The following GFI1 variants were observed in gnomAD, a reference collection of about 807,000 sequenced individuals.
GFI1 encodes the protein zinc finger protein Gfi-1.
A neutral mutation model predicts 39.2 loss-of-function variants in GFI1; 15 were observed. The observed-to-expected ratio is 0.38, with a 90% CI of 0.26 to 0.59. GFI1 has a LOEUF of 0.59. GFI1 is among the 20% of genes least tolerant of loss of function. The pLI, the probability that GFI1 is intolerant of heterozygous loss-of-function variation, is 0.62. For synonymous variants in GFI1, 239 were observed against 254.3 expected, an observed-to-expected ratio of 0.94 and a Z score of 0.57; for missense variants, 475 against 574.0, an observed-to-expected ratio of 0.83 and a Z score of 1.76.
In GFI1 at chr1:92,481,107, A is replaced by G. The variant is rs867973488; in HGVS notation, c.299-19T>C. 6.2e-6 allele frequency: 10 copies of G among 1,602,040 alleles called. No individual in the cohort carries two copies. The Middle Eastern group carries it at 1.7e-3, about 266-fold the overall frequency. On this transcript the variant is annotated intron_variant, in intron 3 of 6. Coordinates refer to ENST00000294702, the MANE Select transcript of GFI1 (RefSeq NM_005263.5). This position sits in a 1 kb window ranked among gnomAD's most constrained non-coding sequence, Gnocchi z 4.3. The stretch of plus-strand genomic sequence containing the variant: ...TCCGAGGCTGTGGAGGCACAAGGGG[A>G]GCGTCCGGTCAGGCTTCAGACGGCA...
At chr1:92,483,076 G>C (rs1557672107) in intron 2 of GFI1, 30 bp from the exon 3 acceptor site, 1 of 1,547,530 alleles carries the variant, frequency 6.5e-7, no homozygotes, top group East Asian at 2.3e-5. Flanking sequence ...GAGGGGCTCA[G>C]GCTGGGACCG....
intron 1 of GFI1, among the ~76,000 whole-genome samples, chr1:92,485,530 T>G (rs2101588238): frequency 6.6e-6 from 1 of 151,866 alleles, no homozygotes; most frequent in South Asian, 2.1e-4. Context: ...CGGCCCGCTT[T>G]GCTGGTTCCT....
rs745794943 is a variant in GFI1 at position 92,481,054 on chromosome 1, T to C, written c.333A>G (p.Glu111=). 3.7e-6 allele frequency: 6 copies of C among 1,611,754 alleles called. No homozygotes were observed. In the Admixed American group the frequency reaches 6.7e-5, roughly 18 times the overall value. Residue 111 remains glutamate (E), a synonymous_variant, in exon 4 of 7, where the codon GAA becomes GAG. Transcript: ENST00000294702. The surrounding 1 kb of genome is among the most constrained non-coding windows in gnomAD (Gnocchi z 4.3). ...SEKSMCPSLD[E]AQPFPLPFKP... ...TGAAAGGCAGGGGGAAGGGCTGGGC[T>C]TCGTCCAGCGATGGGCACATTGACT...
intron 1 of GFI1, among the ~76,000 whole-genome samples, chr1:92,486,514 CG>C (rs1272697054): frequency 3.2e-4 from 29 of 90,160 alleles, no homozygotes; most frequent in African/African-American, 1.3e-3. Flanking sequence ...CCTCAGGCCT[CG>C]GTCACCCGCC....
In GFI1 at chr1:92,476,108, C is replaced by A. The variant is rs1657956373; in HGVS notation, c.1190G>T (p.Gly397Val). ...SRKHTGFKPF[G>V]CDLCGKGFQR... ...GAAACCCTTCCCACAGAGGTCGCAG[C>A]CGAAGGGCTTGAAGCCTGTGTGTTT... is the stretch of plus-strand genomic sequence containing the variant. The change falls in exon 7 of 7, where the codon GGC (glycine) becomes GTC (valine). Residue 397 changes from glycine (G) to valine (V), a missense_variant. Physicochemically the swap from Gly to Val is moderately radical, Grantham distance 109 (BLOSUM62 -3). Coordinates refer to ENST00000294702, the MANE Select transcript of GFI1 (RefSeq NM_005263.5). 1.1e-5 allele frequency: 17 copies of A among 1,614,064 alleles called. No individual in the cohort carries two copies. The highest frequency in any genetic ancestry group is 1.3e-5 in the Non-Finnish European group (15 of 1,180,004).
At position 92,474,922 on chromosome 1, in the gene GFI1, A is replaced by C. The variant is rs1021820860; in HGVS notation, c.*1107T>G. ...TACACATGGAGGGTCAAAGAGTTGA[A>C]GACAGAGCCTTCCTTCCCACATGCC... On this transcript the variant is annotated 3_prime_UTR_variant, in exon 7 of 7. Coordinates refer to ENST00000294702, the MANE Select transcript of GFI1 (RefSeq NM_005263.5). The C allele has an allele frequency of 1.4e-4, 21 of 152,424 alleles. No individual in the cohort carries two copies. Among genetic ancestry groups the C allele is most frequent in the Non-Finnish European group, 2.8e-4 (19 of 68,040 alleles). The allele number at this position is 152,424 out of a possible 1,614,324, so 9.4% of individuals were successfully genotyped here. A position where few individuals can be genotyped will look rare whatever the true frequency, so the allele number is the denominator to read the frequency against.
At position 92,480,580 on chromosome 1, in the gene GFI1, T is replaced by C; in HGVS notation, c.786+21A>G. 1 of 1,540,492 alleles carries C rather than the reference T, an allele frequency of 6.5e-7. No individual in the cohort carries two copies. Among genetic ancestry groups the C allele is most frequent in the Admixed American group, 2.0e-5 (1 of 51,130 alleles). Reference sequence around the variant, plus strand: ...GGAAGCGGGCGCACGGCAGGCGAGGTGGTGAGCTCGGGAGCCTCACCTTGC... The same window carrying C: ...GGAAGCGGGCGCACGGCAGGCGAGGCGGTGAGCTCGGGAGCCTCACCTTGC... On this transcript the variant is annotated intron_variant, in intron 4 of 6. Coordinates refer to ENST00000294702, the MANE Select transcript of GFI1 (RefSeq NM_005263.5). The surrounding 1 kb of genome is among the most constrained non-coding windows in gnomAD (Gnocchi z 5.6).
At position 92,483,236 on chromosome 1, in the gene GFI1, G is replaced by A. The variant is rs967734500; in HGVS notation, c.115+137C>T. 29 of 727,942 alleles carry A rather than the reference G, an allele frequency of 4.0e-5. No homozygotes were observed. In the African/African-American group the frequency reaches 4.7e-4, roughly 12 times the overall value. The allele number at this position is 727,942 out of a possible 1,614,324, so 45.1% of individuals were successfully genotyped here. ...TGGCACCTAGGAGACAAACCCGGAG[G>A]AACCAGGACAGTAGGAAACAAAAAC... On this transcript the variant is annotated intron_variant, in intron 2 of 6. Coordinates refer to ENST00000294702, the MANE Select transcript of GFI1 (RefSeq NM_005263.5).
intron 1 of GFI1, 58 bp downstream of exon 1, chr1:92,486,668 G>T (rs1658542037): frequency 6.6e-6 from 1 of 152,034 alleles, no homozygotes; most frequent in Non-Finnish European, 1.5e-5. Flanking sequence ...CGCAGGCCCC[G>T]AAATAGCTTG....
chr1:92,479,892 G>A (rs1658140238), intron 5 of GFI1, among the ~76,000 whole-genome samples: 1 of 151,916 alleles, frequency 6.6e-6, no homozygotes, highest in Non-Finnish European at 1.5e-5. Flanking sequence ...AGGAAGGAAG[G>A]AAAGAATGAA....
chr1:92,481,223 GC>G lies in GFI1; in HGVS notation c.299-136del. ...TTGTAGAACACTGCGTGCGCCAGGT[GC>G]CAGGCTCGCCCCAGGGTAAAACGTG... On this transcript the variant is annotated intron_variant, in intron 3 of 6. Transcript: ENST00000294702. The surrounding 1 kb of genome is among the most constrained non-coding windows in gnomAD (Gnocchi z 4.3). 1.2e-6 allele frequency: 1 copy of G among 803,178 alleles called. No homozygotes were observed. The highest frequency in any genetic ancestry group is 2.1e-6 in the Non-Finnish European group (1 of 484,588). 49.8% of individuals were successfully genotyped at this position (803,178 alleles called of 1,614,324 possible).
At chr1:92,483,644 C>T (rs1043973649) in intron 1 of GFI1, 58 bp from the exon 2 acceptor site, 5 of 681,916 alleles carry the variant, frequency 7.3e-6, no homozygotes, top group Non-Finnish European at 1.1e-5. Flanking sequence ...GTGCGGCGGA[C>T]TGGGCACCCA....
chr1:92,478,616 G>A lies in GFI1; in HGVS notation c.1062C>T (p.Asp354=), dbSNP rs1020047718. ...TGTGGATGAAAGTGTGTTTCTTCAT[G>A]TCTGACTTCTGGTGGAACCTCTTGC... is the stretch of plus-strand genomic sequence containing the variant. ...YCGKRFHQKS[D]MKKHTFIHTG... The change falls in exon 6 of 7, where the codon GAC becomes GAT. Residue 354 remains aspartate (D), a synonymous_variant. Coordinates refer to ENST00000294702, the MANE Select transcript of GFI1 (RefSeq NM_005263.5). The A allele has an allele frequency of 9.3e-6, 15 of 1,614,090 alleles. No homozygotes were observed. Among genetic ancestry groups the A allele is most frequent in the Non-Finnish European group, 1.3e-5 (15 of 1,179,994 alleles).
At chr1:92,479,489 GTGTTA>G (rs1396670146) in intron 5 of GFI1, among the ~76,000 whole-genome samples, 1 of 152,216 alleles carries the variant, frequency 6.6e-6, no homozygotes, top group Non-Finnish European at 1.5e-5. Context: ...AGGACCTGAT[GTGTTA>G]TAAGATTCTT....
intron 1 of GFI1, among the ~76,000 whole-genome samples, chr1:92,485,816 A>G (rs1387829057): frequency 6.6e-6 from 1 of 152,032 alleles, no homozygotes. Flanking sequence ...GCGCGCCCCC[A>G]GCTCCAGATT....
Position 92,481,188 on chromosome 1 carries a change from C to T in GFI1, c.299-100G>A, listed in dbSNP as rs530510465. 3 of 1,057,450 alleles carry T rather than the reference C, an allele frequency of 2.8e-6. No individual in the cohort carries two copies. The highest frequency in any genetic ancestry group is 3.1e-5 in the African/African-American group (2 of 63,538). The allele number at this position is 1,057,450 out of a possible 1,614,324, so 65.5% of individuals were successfully genotyped here. On this transcript the variant is annotated intron_variant, in intron 3 of 6. Transcript: ENST00000294702. The surrounding 1 kb of genome is among the most constrained non-coding windows in gnomAD (Gnocchi z 4.3). ...CGTGGCGTGTTCGCGGACTGCGGGG[C>T]ACCCAGCGCTTGTAGAACACTGCGT... is the stretch of plus-strand genomic sequence containing the variant.
intron 1 of GFI1, among the ~76,000 whole-genome samples, chr1:92,486,244 G>A (rs915853481): frequency 6.6e-5 from 10 of 152,198 alleles, no homozygotes; most frequent in African/African-American, 1.2e-4. Context: ...TTGCGCAAGT[G>A]GCCAGGCGGT....
In GFI1 at chr1:92,482,570, C is replaced by T. The variant is rs1571219616; in HGVS notation, c.298+294G>A. Reference sequence around the variant, plus strand: ...TCAGAAAATGAAAGGTCAGCGTTGCCGCCAGTCGAAACGACTGGTTTGTTT... The same window carrying T: ...TCAGAAAATGAAAGGTCAGCGTTGCTGCCAGTCGAAACGACTGGTTTGTTT... On this transcript the variant is annotated intron_variant, in intron 3 of 6. Coordinates refer to ENST00000294702, the MANE Select transcript of GFI1 (RefSeq NM_005263.5). This position sits in a 1 kb window ranked among gnomAD's most constrained non-coding sequence, Gnocchi z 4.4. 6.6e-6 allele frequency among the ~76,000 whole-genome samples: 1 copy of T among 152,152 alleles called. No homozygotes were observed. Among genetic ancestry groups the T allele is most frequent in the East Asian group, 1.9e-4 (1 of 5,184 alleles).
At position 92,481,407 on chromosome 1, in the gene GFI1, A is replaced by G. The variant is rs893500379; in HGVS notation, c.299-319T>C. 2.0e-5 allele frequency among the ~76,000 whole-genome samples: 3 copies of G among 152,156 alleles called. No homozygotes were observed. The highest frequency in any genetic ancestry group is 7.2e-5 in the African/African-American group (3 of 41,438). On this transcript the variant is annotated intron_variant, in intron 3 of 6. Coordinates refer to ENST00000294702, the MANE Select transcript of GFI1 (RefSeq NM_005263.5). This position sits in a 1 kb window ranked among gnomAD's most constrained non-coding sequence, Gnocchi z 4.3. Reference sequence around the variant, plus strand: ...TCTGGCTGGACCCGCGCACCTGGAGATCCTACAGGGAAGGGCGCATCTATA... The same window carrying G: ...TCTGGCTGGACCCGCGCACCTGGAGGTCCTACAGGGAAGGGCGCATCTATA...
Sources: allele counts gnomAD v4.1 joint callset (sites outside exome capture counted in the v4.1 genomes callset), GRCh38; gene constraint gnomAD v4.1.1; non-coding constraint Gnocchi (gnomAD v3.1); transcripts MANE v1.5; gene names NCBI Gene and HGNC (gene_info 2026-07-23, HGNC 2026-07-21).